The following BCAR1 variants were observed in gnomAD, a reference collection of about 807,000 sequenced individuals.
BCAR1 encodes BCAR1 scaffold protein, Cas family member.
BCAR1 carries 30 observed loss-of-function variants against 67.6 expected under a neutral mutation model. The ratio of observed to expected loss-of-function variants is 0.44; its 90% CI spans 0.33 to 0.60. The LOEUF is 0.60. Among genes scored for constraint, BCAR1 ranks in the 20% least tolerant of loss-of-function variants. The pLI, the probability that BCAR1 is intolerant of heterozygous loss-of-function variation, is 0.02. For missense variants in BCAR1, 1,313 were observed against 1,222.3 expected, an observed-to-expected ratio of 1.07 and a Z score of -1.11; for synonymous variants, 626 against 556.7, an observed-to-expected ratio of 1.12 and a Z score of -1.75.
In BCAR1 at chr16:75,264,350, C is replaced by T; in HGVS notation, c.66+3565G>A. The T allele has an allele frequency of 1.3e-6, 2 of 1,520,288 alleles. No individual in the cohort carries two copies. Among genetic ancestry groups the T allele is most frequent in the East Asian group, 2.5e-5 (1 of 40,594 alleles). The allele number at this position is 1,520,288 out of a possible 1,614,324, so 94.2% of individuals were successfully genotyped here. On this transcript the variant is annotated intron_variant, in intron 1 of 6. Transcript: ENST00000393422. ...CCCTAATCACTACTGCCCTGGGATA[C>T]CGGCCCTCCAGCAGGCTCAGGTGGT...
upstream of BCAR1, among the ~76,000 whole-genome samples, chr16:75,254,731 C>T (rs1051706773): frequency 6.6e-6 from 1 of 152,200 alleles, no homozygotes; most frequent in African/African-American, 2.4e-5. Flanking sequence ...TTGTGTCATC[C>T]CAGGAGTGGC....
rs781681087 is a variant in BCAR1, at chr16:75,235,047, C to T, written c.1852G>A (p.Gly618Ser). 2 of 1,613,216 alleles carry T rather than the reference C, an allele frequency of 1.2e-6. No homozygotes were observed. The highest frequency in any genetic ancestry group is 1.7e-5 in the Admixed American group (1 of 60,024). ...TKATAPGPEG[G>S]GTLHPNPTDK... ...GTGGGGTTGGGGTGCAGGGTGCCAC[C>T]CCCCTCAGGCCCCGGGGCAGTGGCC... is the stretch of plus-strand genomic sequence containing the variant. The change falls in exon 5 of 7, where the codon GGT becomes AGT. Residue 618 changes from glycine (G) to serine (S), a missense_variant. Gly to Ser is a moderately conservative substitution (Grantham distance 56). This residue lies in a region of BCAR1 where 1,272 missense variants were observed against 1,137.5 expected (regional missense o/e 1.12). Coordinates refer to ENST00000162330, the MANE Select transcript of BCAR1 (RefSeq NM_014567.5).
At chr16:75,238,579 C>T (rs911228412) in intron 2 of BCAR1, 25 of 988,302 alleles carry the variant, frequency 2.5e-5, no homozygotes, top group Non-Finnish European at 2.9e-5. Flanking sequence ...CCCCAGCAGC[C>T]GCAGGCCTGG....
upstream of BCAR1, among the ~76,000 whole-genome samples, chr16:75,255,070 G>C (rs1297082731): frequency 6.6e-6 from 1 of 152,240 alleles, no homozygotes; most frequent in Non-Finnish European, 1.5e-5. Context: ...GCTAATTCTA[G>C]GGGACCGGTG....
chr16:75,247,980 CGGGA>C, intron 1 of BCAR1: 1 of 894,230 alleles, frequency 1.1e-6, no homozygotes, highest in Non-Finnish European at 1.9e-6. Flanking sequence ...TTCCTCCCTG[CGGGA>C]GGCAGAGCTC....
At chr16:75,251,639 T>G (rs995310491), upstream of BCAR1, 199 of 1,002,678 alleles carry the variant, frequency 2.0e-4, no homozygotes, top group South Asian at 7.2e-4. Flanking sequence ...GCTCTCCGCC[T>G]GCCGCCACGG....
At chr16:75,265,800 G>T in intron 1 of BCAR1, 2 of 1,197,280 alleles carry the variant, frequency 1.7e-6, no homozygotes, top group South Asian at 8.3e-5. Flanking sequence ...AGCCGGCCCG[G>T]GGTCCCGGGC....
chr16:75,240,988 C>G (rs1395207504), intron 2 of BCAR1, among the ~76,000 whole-genome samples: 2 of 152,260 alleles, frequency 1.3e-5, no homozygotes, highest in Non-Finnish European at 2.9e-5. Flanking sequence ...CGCACCAGGA[C>G]AAGCTTCACT....
chr16:75,233,047 T>C (rs2076955823), intron 6 of BCAR1, among the ~76,000 whole-genome samples: 1 of 152,218 alleles, frequency 6.6e-6, no homozygotes, highest in South Asian at 2.1e-4. Flanking sequence ...GAAAATTCTA[T>C]TAACATGTCT....
At position 75,242,518 on chromosome 16, in the gene BCAR1, G is replaced by A. The variant is rs776690368; in HGVS notation, c.585C>T (p.Pro195=). The part of the protein sequence containing the change: ...AGMGHDIYQV[P]PSMDTRSWEG... ...CCCAGCTGCGTGTGTCCATGGACGG[G>A]GGGACCTGGTAGATGTCATGCCCCA... The change falls in exon 2 of 7, where the codon CCC becomes CCT. Residue 195 remains proline, a synonymous_variant. Transcript: ENST00000162330. The A allele has an allele frequency of 1.4e-6, 2 of 1,479,174 alleles. No homozygotes were observed. The highest frequency in any genetic ancestry group is 3.0e-5 in the South Asian group (2 of 67,500). 91.6% of individuals were successfully genotyped at this position (1,479,174 alleles called of 1,614,324 possible). A position where few individuals can be genotyped will look rare whatever the true frequency, so the allele number is the denominator to read the frequency against.
At chr16:75,251,236 G>T (rs1178286397) in intron 1 of BCAR1, among the ~76,000 whole-genome samples, 1 of 151,848 alleles carries the variant, frequency 6.6e-6, no homozygotes, top group Non-Finnish European at 1.5e-5. Flanking sequence ...CCTACCGGCT[G>T]GCGGCCCCCG....
In BCAR1 at chr16:75,229,400, G is replaced by C; in HGVS notation, c.*111C>G. 7.2e-7 allele frequency: 1 copy of C among 1,393,910 alleles called. No individual in the cohort carries two copies. The highest frequency in any genetic ancestry group is 9.4e-7 in the Non-Finnish European group (1 of 1,062,878). 86.3% of individuals were successfully genotyped at this position (1,393,910 alleles called of 1,614,324 possible). A position where few individuals can be genotyped will look rare whatever the true frequency, so the allele number is the denominator to read the frequency against. On this transcript the variant is annotated 3_prime_UTR_variant, in exon 7 of 7. Transcript: ENST00000162330. ...GGGCATCCAGGGCACCAGGACCGAC[G>C]CAGAGCTGGGGTCCTGTCCCTAAGC...
intron 1 of BCAR1, among the ~76,000 whole-genome samples, chr16:75,260,581 C>G (rs915788508): frequency 4.6e-4 from 69 of 148,882 alleles, no homozygotes; most frequent in African/African-American, 1.6e-3. Flanking sequence ...TTGCAGTGAG[C>G]TGATATCAGG....
intron 1 of BCAR1, among the ~76,000 whole-genome samples, chr16:75,244,547 A>G (rs1212934767): frequency 1.3e-5 from 2 of 152,242 alleles, no homozygotes; most frequent in Non-Finnish European, 2.9e-5. Flanking sequence ...CTGGGTAGGC[A>G]GTAGTTGCCC....
At position 75,228,611 on chromosome 16, in the gene BCAR1, G is replaced by GC. The variant is rs1386043799; in HGVS notation, c.*899dup. ...TCTTTTAAGCAGAGCTCTGGATGCA[G>GC]CCCCCAGCGGTGCCCTCGGCTCACA... On this transcript the variant is annotated 3_prime_UTR_variant, in exon 7 of 7. Coordinates refer to ENST00000162330, the MANE Select transcript of BCAR1 (RefSeq NM_014567.5). 6.6e-6 allele frequency: 1 copy of GC among 152,328 alleles called. No homozygotes were observed. Among genetic ancestry groups the GC allele is most frequent in the East Asian group, 1.9e-4 (1 of 5,194 alleles). The allele number at this position is 152,328 out of a possible 1,614,324, so 9.4% of individuals were successfully genotyped here.
At chr16:75,265,313 C>T (rs556293258) in intron 1 of BCAR1, 1 of 152,502 alleles carries the variant, frequency 6.6e-6, no homozygotes, top group Admixed American at 6.5e-5. Flanking sequence ...GCGCCCCAAC[C>T]TGGCCACCCC....
intron 1 of BCAR1, chr16:75,246,248 G>A (rs757333966): frequency 1.3e-5 from 2 of 152,278 alleles, no homozygotes; most frequent in African/African-American, 2.4e-5. Flanking sequence ...TGGGATTACA[G>A]GCGTGAGCCA....
chr16:75,248,056 C>T, intron 1 of BCAR1: 1 of 1,530,262 alleles, frequency 6.5e-7, no homozygotes, highest in Non-Finnish European at 9.0e-7. Flanking sequence ...ACGATTACCT[C>T]CATCTTACTA....
upstream of BCAR1, among the ~76,000 whole-genome samples, chr16:75,255,087 A>G (rs1331661911): frequency 6.6e-6 from 1 of 152,234 alleles, no homozygotes; most frequent in Non-Finnish European, 1.5e-5. Flanking sequence ...GGTGAGACAA[A>G]CCACAGCGCC....
Sources: gnomAD v4.1 joint callset for allele counts (sites outside exome capture counted in the v4.1 genomes callset) on GRCh38, gnomAD v4.1.1 for gene constraint, gnomAD v4.1.1 regional missense constraint, MANE v1.5 for transcripts, NCBI Gene and HGNC (gene_info 2026-07-23, HGNC 2026-07-21) for gene names.